UNC5B: variants seen among roughly 807,000 people sequenced by gnomAD.
UNC5B encodes the protein unc-5 netrin receptor B.
UNC5B carries 56 observed loss-of-function variants against 103.7 expected under a neutral mutation model. That is an observed-to-expected ratio of 0.54 (90% CI 0.44 to 0.67). The LOEUF is 0.67. UNC5B is among the 30% of genes least tolerant of loss of function. The pLI is 0.00. For synonymous variants in UNC5B, 577 were observed against 542.0 expected, an observed-to-expected ratio of 1.06 and a Z score of -0.90; for missense variants, 1,194 against 1,284.5, an observed-to-expected ratio of 0.93 and a Z score of 1.08.
chr10:71,251,668 A>G (rs1482029004), intron 1 of UNC5B, among the ~76,000 whole-genome samples: 1 of 152,216 alleles, frequency 6.6e-6, no homozygotes, highest in South Asian at 2.1e-4. Flanking sequence ...CAGAGTATAC[A>G]TGGTTCCTGC....
At chr10:71,266,060 G>A (rs908499406) in intron 1 of UNC5B, among the ~76,000 whole-genome samples, 7 of 152,120 alleles carry the variant, frequency 4.6e-5, no homozygotes, top group Admixed American at 1.3e-4. Context: ...TCACTAGGCC[G>A]TGCTTCTATC....
At chr10:71,244,817 G>A (rs80017311) in intron 1 of UNC5B, among the ~76,000 whole-genome samples, 14 of 152,294 alleles carry the variant, frequency 9.2e-5, no homozygotes, top group African/African-American at 2.9e-4. Context: ...ACTGGTTGGC[G>A]GCGGGGGCGT....
chr10:71,279,077 C>CCATCTGCTCTGAAGTCTCCT (rs1339408714), intron 1 of UNC5B, among the ~76,000 whole-genome samples: 26 of 152,178 alleles, frequency 1.7e-4, no homozygotes, highest in African/African-American at 6.0e-4. Context: ...GGCACAGCCC[C>CCATCTGCTCTGAAGTCTCCT]CATCTGCTCT....
In UNC5B at chr10:71,288,614, T is replaced by G. The variant is rs768786079; in HGVS notation, c.948T>G (p.Thr316=). 6.2e-7 allele frequency: 1 copy of G among 1,614,044 alleles called. No individual in the cohort carries two copies. The highest frequency in any genetic ancestry group is 2.2e-5 in the East Asian group (1 of 44,882). ...GGAGCAAGTGGTCAGCCTGCAGCACTGAGTGTGCCCACTGGCGTAGCCGCG... is the reference window on the plus strand; with the variant it reads ...GGAGCAAGTGGTCAGCCTGCAGCACGGAGTGTGCCCACTGGCGTAGCCGCG... ...TEWSKWSACS[T]ECAHWRSREC... The change falls in exon 7 of 17, where the codon ACT becomes ACG. Residue 316 remains threonine (T), a synonymous_variant. Coordinates refer to ENST00000335350, the MANE Select transcript of UNC5B (RefSeq NM_170744.5).
At chr10:71,272,877 C>CTGTTTGTT (rs112300355) in intron 1 of UNC5B, among the ~76,000 whole-genome samples, 23,704 of 150,474 alleles carry the variant, frequency 0.16, 1,946 homozygotes, top group Admixed American at 0.21. Flanking sequence ...CATGCACTGC[C>CTGTTTGTT]TGTTTGTTTG....
chr10:71,269,696 C>T (rs1432225701), intron 1 of UNC5B, among the ~76,000 whole-genome samples: 1 of 152,052 alleles, frequency 6.6e-6, no homozygotes, highest in African/African-American at 2.4e-5. Flanking sequence ...AGGAACTTGC[C>T]TTCCAGAAAG....
Position 71,213,615 on chromosome 10 carries a change from G to C in UNC5B, c.79+551G>C, listed in dbSNP as rs1402205187. ...CGGCTTGCAGGGCTCCTGAAGCGGG[G>C]AGGGCTAAGTCTTGCACACATAGCT... On this transcript the variant is annotated intron_variant, in intron 1 of 16. Transcript: ENST00000335350. This position sits in a 1 kb window ranked among gnomAD's most constrained non-coding sequence, Gnocchi z 4.1. Among the ~76,000 whole-genome samples, 1 of 152,000 alleles carries C rather than the reference G, an allele frequency of 6.6e-6. No individual in the cohort carries two copies. The highest frequency in any genetic ancestry group is 1.5e-5 in the Non-Finnish European group (1 of 68,018).
At chr10:71,227,611 C>CATATATATATACACATACAT (rs1285415267) in intron 1 of UNC5B, among the ~76,000 whole-genome samples, 2 of 127,452 alleles carry the variant, frequency 1.6e-5, no homozygotes, top group African/African-American at 5.7e-5. Context: ...TACATATATA[C>CATATATATATACACATACAT]ATATATATAC....
At chr10:71,266,353 C>T (rs1245672572) in intron 1 of UNC5B, among the ~76,000 whole-genome samples, 1 of 152,138 alleles carries the variant, frequency 6.6e-6, no homozygotes, top group Admixed American at 6.5e-5. Flanking sequence ...CCTGGTGCCC[C>T]TCCTGGAGGA....
At chr10:71,263,065 G>T (rs943341258) in intron 1 of UNC5B, among the ~76,000 whole-genome samples, 2 of 152,196 alleles carry the variant, frequency 1.3e-5, no homozygotes, top group Admixed American at 6.5e-5. Flanking sequence ...AAGGAACAGG[G>T]TTTAGCCAGG....
At chr10:71,223,798 C>T (rs568216856) in intron 1 of UNC5B, among the ~76,000 whole-genome samples, 33 of 146,302 alleles carry the variant, frequency 2.3e-4, no homozygotes, top group African/African-American at 6.1e-4. Context: ...GAATGCTTAC[C>T]GCATGGACAA....
chr10:71,297,358 A>C (rs1360465621), intron 15 of UNC5B, among the ~76,000 whole-genome samples: 1 of 152,248 alleles, frequency 6.6e-6, no homozygotes, highest in Non-Finnish European at 1.5e-5. Flanking sequence ...CACACAGTAC[A>C]CCAGTGGCAA....
At chr10:71,246,392 G>C (rs751467636) in intron 1 of UNC5B, among the ~76,000 whole-genome samples, 15 of 152,096 alleles carry the variant, frequency 9.9e-5, no homozygotes, top group Non-Finnish European at 2.1e-4. Context: ...ACAGTGGGGT[G>C]GGGGGCCAGG....
intron 1 of UNC5B, among the ~76,000 whole-genome samples, chr10:71,267,352 A>G (rs1307042002): frequency 6.6e-6 from 1 of 152,170 alleles, no homozygotes; most frequent in Non-Finnish European, 1.5e-5. Flanking sequence ...AAAAATCCCT[A>G]TAGTCATCAA....
rs1448236095 is a variant in UNC5B, at chr10:71,291,351, A to G, written c.1295-81A>G. The G allele has an allele frequency of 3.3e-6, 5 of 1,520,578 alleles. No homozygotes were observed. The Admixed American group carries it at 8.6e-5, about 26-fold the overall frequency. 94.2% of individuals were successfully genotyped at this position (1,520,578 alleles called of 1,614,324 possible). On this transcript the variant is annotated intron_variant, in intron 9 of 16. Transcript: ENST00000335350. ...GCAATTGGGCCTTTCACAGCTGGAC[A>G]TTTGGGTGGGATTTTGCAGTGGGAG...
rs773362458 is a variant in UNC5B, at chr10:71,287,610, G to C, written c.746G>C (p.Trp249Ser). 2 of 1,596,812 alleles carry C rather than the reference G, an allele frequency of 1.3e-6. No individual in the cohort carries two copies. The highest frequency in any genetic ancestry group is 3.5e-5 in the Admixed American group (2 of 56,722). The change falls in exon 6 of 17, where the codon TGG becomes TCG. Residue 249 changes from tryptophan to serine, a missense_variant. Coordinates refer to ENST00000335350, the MANE Select transcript of UNC5B (RefSeq NM_170744.5). ...ATVIVYVNGGWSSWAEWSPCS... is the reference protein window; with the variant it reads ...ATVIVYVNGGSSSWAEWSPCS... ...TGCCGCCTTGCAGTGAATGGCGGCT[G>C]GTCCAGCTGGGCAGAGTGGTCACCC...
chr10:71,232,559 G>A (rs1843704631), intron 1 of UNC5B, among the ~76,000 whole-genome samples: 1 of 152,272 alleles, frequency 6.6e-6, no homozygotes, highest in African/African-American at 2.4e-5. Flanking sequence ...CTCAGCTGCT[G>A]GAAGGCTTGG....
chr10:71,237,029 C>T (rs904244815), intron 1 of UNC5B, among the ~76,000 whole-genome samples: 1 of 151,282 alleles, frequency 6.6e-6, no homozygotes, highest in African/African-American at 2.4e-5. Flanking sequence ...TAGATGGGGG[C>T]TCCAGGGTAT....
Position 71,279,863 on chromosome 10 carries a change from C to G in UNC5B, c.122C>G (p.Ser41Ter). The G allele has an allele frequency of 6.2e-7, 1 of 1,613,922 alleles. No homozygotes were observed. Among genetic ancestry groups the G allele is most frequent in the South Asian group, 1.1e-5 (1 of 91,052 alleles). Residue 41 changes from serine to a stop codon, truncating the protein, a stop_gained, in exon 2 of 17, where the codon TCA (serine) becomes TGA (stop). Transcript: ENST00000335350. LOFTEE classifies it high-confidence loss of function. ...GAGGTGCTCCCTGACTCCTTCCCGT[C>G]AGCGCCAGCAGAGCCGCTGCCCTAC... ...GSEVLPDSFP[S>*]APAEPLPYFL...
Sources: gnomAD v4.1 joint callset for allele counts (sites outside exome capture counted in the v4.1 genomes callset) on GRCh38, gnomAD v4.1.1 for gene constraint, Gnocchi (gnomAD v3.1) non-coding constraint, MANE v1.5 for transcripts, NCBI Gene and HGNC (gene_info 2026-07-23, HGNC 2026-07-21) for gene names.